The following GSK3B variants were observed in gnomAD, a reference collection of about 807,000 sequenced individuals.
The protein encoded by GSK3B is glycogen synthase kinase 3 beta, also known as glycogen synthase kinase-3 beta.
GSK3B carries 15 observed loss-of-function variants against 56.4 expected under a neutral mutation model. The ratio of observed to expected loss-of-function variants is 0.27; its 90% CI spans 0.18 to 0.41. The LOEUF (loss-of-function observed/expected upper bound fraction) is 0.41, where lower values mean the gene tolerates loss of function less well. Among genes scored for constraint, GSK3B ranks in the 10% least tolerant of loss-of-function variants. The pLI, the probability that GSK3B is intolerant of heterozygous loss-of-function variation, is 1.00. For missense variants in GSK3B, 300 were observed against 513.4 expected (o/e 0.58, Z 4.02); for synonymous variants, 181 against 188.9 (o/e 0.96, Z 0.34).
chr3:120,076,615 A>C (rs2058368936), intron 1 of GSK3B, among the ~76,000 whole-genome samples: 1 of 151,956 alleles, frequency 6.6e-6, no homozygotes, highest in African/African-American at 2.4e-5. Flanking sequence ...GGAGATCGAG[A>C]CCATCCTGGC....
chr3:119,877,840 G>C (rs1485261755), intron 7 of GSK3B, among the ~76,000 whole-genome samples: 1 of 152,130 alleles, frequency 6.6e-6, no homozygotes, highest in Non-Finnish European at 1.5e-5. Context: ...ATGGATGACA[G>C]GAAGAAACAT....
intron 1 of GSK3B, among the ~76,000 whole-genome samples, chr3:120,016,642 G>A (rs1201623598): frequency 6.6e-6 from 1 of 152,116 alleles, no homozygotes. Flanking sequence ...ATATCTATTA[G>A]CCACTCCAAT....
intron 8 of GSK3B, among the ~76,000 whole-genome samples, chr3:119,865,077 C>T (rs1052654873): frequency 6.6e-6 from 1 of 152,116 alleles, no homozygotes; most frequent in Non-Finnish European, 1.5e-5. Context: ...GGTCCCCTCT[C>T]TTGCTCCCAA....
At chr3:119,994,546 C>T (rs1355658042) in intron 2 of GSK3B, among the ~76,000 whole-genome samples, 1 of 152,124 alleles carries the variant, frequency 6.6e-6, no homozygotes, top group African/African-American at 2.4e-5. Flanking sequence ...AGAAACCTAG[C>T]AAACACTACC....
At chr3:119,829,571 T>A (rs1005530188) in intron 10 of GSK3B, among the ~76,000 whole-genome samples, 2 of 152,238 alleles carry the variant, frequency 1.3e-5, no homozygotes, top group Non-Finnish European at 2.9e-5. Context: ...CTCATCTACA[T>A]GGCCACCAGC....
chr3:119,926,141 T>C (rs1047488181), intron 3 of GSK3B, among the ~76,000 whole-genome samples: 3 of 152,124 alleles, frequency 2.0e-5, no homozygotes, highest in African/African-American at 7.2e-5. Flanking sequence ...TCACTCCCCC[T>C]TGATAATCTC....
intron 1 of GSK3B, among the ~76,000 whole-genome samples, chr3:120,050,980 G>C (rs1483676330): frequency 1.3e-5 from 2 of 152,134 alleles, no homozygotes; most frequent in Admixed American, 1.3e-4. Flanking sequence ...GAAACAATCT[G>C]AGAGGCAGAA....
chr3:120,007,737 T>A (rs774586171), intron 1 of GSK3B, among the ~76,000 whole-genome samples: 5 of 152,224 alleles, frequency 3.3e-5, no homozygotes, highest in Non-Finnish European at 7.3e-5. Context: ...CTAAAAACTT[T>A]CAATAAACTT....
chr3:120,052,973 G>C (rs910707551), intron 1 of GSK3B, among the ~76,000 whole-genome samples: 4 of 152,174 alleles, frequency 2.6e-5, no homozygotes, highest in Admixed American at 6.5e-5. Context: ...GTAAGTGTTA[G>C]AGCTGGGATT....
chr3:119,971,072 T>C (rs910368162), intron 2 of GSK3B, among the ~76,000 whole-genome samples: 2 of 152,238 alleles, frequency 1.3e-5, no homozygotes, highest in African/African-American at 4.8e-5. Flanking sequence ...TTCCATGATA[T>C]ACTGACTTCT....
intron 7 of GSK3B, among the ~76,000 whole-genome samples, chr3:119,897,531 G>A (rs752628501): frequency 2.0e-5 from 3 of 151,918 alleles, no homozygotes; most frequent in African/African-American, 4.8e-5. Context: ...GGAGAGCTAC[G>A]GGAAGGCCAA....
chr3:119,932,797 C>A (rs967255567), intron 3 of GSK3B, among the ~76,000 whole-genome samples: 2 of 152,064 alleles, frequency 1.3e-5, no homozygotes, highest in African/African-American at 4.8e-5. Context: ...CAAGAAAAAA[C>A]CAGTATTCAA....
intron 1 of GSK3B, among the ~76,000 whole-genome samples, chr3:120,050,268 T>A (rs2058138119): frequency 6.6e-6 from 1 of 152,044 alleles, no homozygotes. Flanking sequence ...AAACAAAACA[T>A]CTCCCACCAG....
intron 1 of GSK3B, among the ~76,000 whole-genome samples, chr3:120,034,791 G>T (rs529125948): frequency 1.8e-4 from 27 of 152,056 alleles, no homozygotes; most frequent in Non-Finnish European, 3.7e-4. Context: ...CTTCACAAAG[G>T]TAATCAAATT....
At chr3:120,088,647 C>T (rs73854776) in intron 1 of GSK3B, among the ~76,000 whole-genome samples, 2 of 152,118 alleles carry the variant, frequency 1.3e-5, no homozygotes, top group Non-Finnish European at 2.9e-5. Context: ...CACACACACA[C>T]AAAAAATCAG....
At chr3:119,842,861 A>G (rs756658569) in intron 10 of GSK3B, among the ~76,000 whole-genome samples, 3 of 152,192 alleles carry the variant, frequency 2.0e-5, no homozygotes, top group Non-Finnish European at 4.4e-5. Flanking sequence ...TATAAAAGAT[A>G]TTAAATGTTC....
chr3:120,007,953 A>T (rs1364145873), intron 1 of GSK3B, among the ~76,000 whole-genome samples: 2 of 152,194 alleles, frequency 1.3e-5, no homozygotes, highest in Non-Finnish European at 2.9e-5. Context: ...AGCATATTCA[A>T]ATAGGAGGAG....
At chr3:119,835,221 A>T (rs1169922547) in intron 10 of GSK3B, among the ~76,000 whole-genome samples, 2 of 152,222 alleles carry the variant, frequency 1.3e-5, no homozygotes, top group African/African-American at 4.8e-5. Flanking sequence ...GGAAATAGAA[A>T]AGTACTTGTA....
At chr3:119,874,979 C>T (rs548517663) in intron 8 of GSK3B, among the ~76,000 whole-genome samples, 41 of 152,138 alleles carry the variant, frequency 2.7e-4, no homozygotes, top group Non-Finnish European at 5.3e-4. Flanking sequence ...GGGTTTAGAG[C>T]CAGGTGAGAG....
Sources: allele counts gnomAD v4.1 joint callset (sites outside exome capture counted in the v4.1 genomes callset), GRCh38; gene constraint gnomAD v4.1.1; transcripts MANE v1.5; gene names NCBI Gene and HGNC (gene_info 2026-07-23, HGNC 2026-07-21).